CAPN2: variants seen among roughly 807,000 people sequenced by gnomAD.
The protein encoded by CAPN2 is calpain 2.
A neutral mutation model predicts 102.3 loss-of-function variants in CAPN2; 92 were observed. The observed-to-expected ratio is 0.90, with a 90% CI of 0.76 to 1.07. The LOEUF is 1.07. Ranked by LOEUF, CAPN2 falls within the 50% of genes least tolerant of loss-of-function variation. The pLI is 0.00. For missense variants in CAPN2, 800 were observed against 909.4 expected (o/e 0.88, Z 1.55); for synonymous variants, 340 against 355.4 (o/e 0.96, Z 0.49).
chr1:223,761,950 T>C (rs985990965), intron 13 of CAPN2, among the ~76,000 whole-genome samples: 1 of 152,154 alleles, frequency 6.6e-6, no homozygotes, highest in Admixed American at 6.5e-5. Context: ...TGTGAGAAAT[T>C]AGAATATTAC....
rs1311510445 is a variant in CAPN2, at chr1:223,755,270, TC to T, written c.1136-209del. Among the ~76,000 whole-genome samples, 1 of 150,844 alleles carries T rather than the reference TC, an allele frequency of 6.6e-6. No homozygotes were observed. Among genetic ancestry groups the T allele is most frequent in the Non-Finnish European group, 1.5e-5 (1 of 67,672 alleles). On this transcript the variant is annotated intron_variant, in intron 9 of 20. Transcript: ENST00000295006. This position sits in a 1 kb window ranked among gnomAD's most constrained non-coding sequence, Gnocchi z 4.1. Reference sequence around the variant, plus strand: ...CAACTCCCACCATCTCCCGCCATTTTCTGACATCTCCCGCTGTCTCCCACCA... The same window carrying T: ...CAACTCCCACCATCTCCCGCCATTTTTGACATCTCCCGCTGTCTCCCACCA...
intron 2 of CAPN2, among the ~76,000 whole-genome samples, chr1:223,729,312 G>A (rs781153972): frequency 1.2e-4 from 19 of 152,228 alleles, no homozygotes; most frequent in Non-Finnish European, 2.1e-4. Context: ...AACAGGCTTT[G>A]CCTCCTTAGA....
At chr1:223,770,781 G>A in intron 18 of CAPN2, 1 of 318,986 alleles carries the variant, frequency 3.1e-6, no homozygotes, top group Non-Finnish European at 5.8e-6. Flanking sequence ...AGCAGGCAAA[G>A]CCAGGTCTCA....
At chr1:223,723,613 G>T (rs1351555682) in intron 2 of CAPN2, among the ~76,000 whole-genome samples, 1 of 151,924 alleles carries the variant, frequency 6.6e-6, no homozygotes, top group East Asian at 2.0e-4. Flanking sequence ...CTGCACTTAA[G>T]ATCTAAGATC....
intron 1 of CAPN2, among the ~76,000 whole-genome samples, chr1:223,702,703 T>C (rs1659516107): frequency 6.6e-6 from 1 of 152,174 alleles, no homozygotes. Context: ...GGAAGTGTCC[T>C]GGTGATATTC....
intron 2 of CAPN2, among the ~76,000 whole-genome samples, chr1:223,736,950 G>A (rs780766736): frequency 1.3e-5 from 2 of 152,084 alleles, no homozygotes; most frequent in African/African-American, 4.8e-5. Context: ...GAGGTGGGAG[G>A]ATCACTTGAG....
At chr1:223,706,833 G>A (rs952784044) in intron 1 of CAPN2, among the ~76,000 whole-genome samples, 8 of 152,090 alleles carry the variant, frequency 5.3e-5, no homozygotes, top group African/African-American at 1.2e-4. Flanking sequence ...TAATCTCAGC[G>A]CTTTGGGAGG....
chr1:223,741,469 T>TATATATATATATATATATA (rs1660615299), intron 2 of CAPN2, among the ~76,000 whole-genome samples: 1 of 136,482 alleles, frequency 7.3e-6, no homozygotes, highest in African/African-American at 2.7e-5. Flanking sequence ...TATATATATA[T>TATATATATATATATATATA]TTGAGAGGGA....
chr1:223,715,207 G>C (rs1210164329), intron 1 of CAPN2, among the ~76,000 whole-genome samples: 1 of 152,208 alleles, frequency 6.6e-6, no homozygotes, highest in African/African-American at 2.4e-5. Flanking sequence ...GGTGAGTTTA[G>C]CAGAGCAATT....
At chr1:223,761,284 A>G (rs1398073959) in intron 12 of CAPN2, among the ~76,000 whole-genome samples, 1 of 152,144 alleles carries the variant, frequency 6.6e-6, no homozygotes, top group Non-Finnish European at 1.5e-5. Context: ...TTTGGTCATG[A>G]CCCTTCCTTC....
At position 223,741,431 on chromosome 1, in the gene CAPN2, ATATAATGTG is replaced by A. The variant is rs1260626403; in HGVS notation, c.308-2664_308-2656del. ...CTTTGGCTGTAAAATGTATATATAT[ATATAATGTG>A]TATATATATATATATATATATATAT... On this transcript the variant is annotated intron_variant, in intron 2 of 20. Transcript: ENST00000295006. Among the ~76,000 whole-genome samples, 605 of 73,836 alleles carry A rather than the reference ATATAATGTG, an allele frequency of 8.2e-3. 35 individuals are homozygous for A. Among genetic ancestry groups the A allele is most frequent in the African/African-American group, 0.071 (586 of 8,290 alleles). The allele number at this position is 73,836 out of a possible 152,430, so 48.4% of individuals were successfully genotyped here.
At chr1:223,723,644 C>T (rs1056596857) in intron 2 of CAPN2, among the ~76,000 whole-genome samples, 3 of 152,084 alleles carry the variant, frequency 2.0e-5, no homozygotes, top group Non-Finnish European at 4.4e-5. Context: ...GATGAGACAT[C>T]TCTTGCCTTC....
chr1:223,758,578 T>G (rs536695778), intron 11 of CAPN2: 25 of 152,770 alleles, frequency 1.6e-4, no homozygotes, highest in African/African-American at 6.0e-4. Context: ...CTGGGAACAC[T>G]GTGGAAAGAC....
At chr1:223,739,147 C>G (rs186799462) in intron 2 of CAPN2, among the ~76,000 whole-genome samples, 1 of 150,624 alleles carries the variant, frequency 6.6e-6, no homozygotes, top group Non-Finnish European at 1.5e-5. Flanking sequence ...AATTAAGGAT[C>G]AAAAGGTTAT....
intron 1 of CAPN2, 101 bp from the exon 2 acceptor site, chr1:223,717,661 A>T (rs1659912799): frequency 1.2e-6 from 1 of 858,588 alleles, no homozygotes; most frequent in African/African-American, 1.7e-5. Context: ...GGGGAGGGGA[A>T]GGGGAGAAGG....
chr1:223,702,256 T>C (rs376065065), intron 1 of CAPN2, among the ~76,000 whole-genome samples: 1 of 151,664 alleles, frequency 6.6e-6, no homozygotes, highest in Non-Finnish European at 1.5e-5. Flanking sequence ...TAAAACCCTG[T>C]CTCTACTAAA....
intron 2 of CAPN2, among the ~76,000 whole-genome samples, chr1:223,739,245 G>A (rs1660545372): frequency 6.8e-6 from 1 of 147,350 alleles, no homozygotes; most frequent in Admixed American, 6.9e-5. Context: ...ATGCAGTGGT[G>A]CAATCTGGGC....
chr1:223,761,460 C>T (rs915945046), intron 12 of CAPN2, 121 bp from the exon 13 acceptor site: 2 of 715,778 alleles, frequency 2.8e-6, no homozygotes, highest in Admixed American at 2.2e-5. Flanking sequence ...CCCACCGCAG[C>T]CCTGCCCCAC....
intron 5 of CAPN2, among the ~76,000 whole-genome samples, chr1:223,748,129 A>G (rs1457752289): frequency 6.6e-6 from 1 of 152,174 alleles, no homozygotes; most frequent in Admixed American, 6.5e-5. Context: ...TTGCAGAGCT[A>G]ATAGGCCCGT....
Sources: gnomAD v4.1 joint callset for allele counts (sites outside exome capture counted in the v4.1 genomes callset) on GRCh38, gnomAD v4.1.1 for gene constraint, Gnocchi (gnomAD v3.1) non-coding constraint, MANE v1.5 for transcripts, NCBI Gene and HGNC (gene_info 2026-07-23, HGNC 2026-07-21) for gene names.